SLC37A1: variants seen among roughly 807,000 people sequenced by gnomAD.
The protein encoded by SLC37A1 is solute carrier family 37 member 1.
Under a neutral mutation model 75.3 loss-of-function variants are expected in SLC37A1, and 49 were observed. That is an observed-to-expected ratio of 0.65 (90% CI 0.52 to 0.83). The LOEUF (loss-of-function observed/expected upper bound fraction) is 0.83, where lower values mean the gene tolerates loss of function less well. SLC37A1 is among the 40% of genes least tolerant of loss of function. The probability of loss-of-function intolerance (pLI) is 0.00; values close to 1 mark genes in which losing one functional copy is unlikely to be tolerated. For missense variants in SLC37A1, 566 were observed against 695.0 expected, an observed-to-expected ratio of 0.81 and a Z score of 2.09; for synonymous variants, 268 against 292.1, an observed-to-expected ratio of 0.92 and a Z score of 0.84.
rs1227581688 is a variant in SLC37A1, at chr21:42,514,473, G to A, written c.-423G>A. On this transcript the variant is annotated 5_prime_UTR_variant, in exon 1 of 20. Coordinates refer to ENST00000352133, the MANE Select transcript of SLC37A1 (RefSeq NM_001320537.2). The surrounding 1 kb of genome is among the most constrained non-coding windows in gnomAD (Gnocchi z 4.8). Reference sequence around the variant, plus strand: ...GTGCCCGCGGAATTCACCTCCTCCGGGGACCAGCCGCCCAGGGAGGAGCCG... The same window carrying A: ...GTGCCCGCGGAATTCACCTCCTCCGAGGACCAGCCGCCCAGGGAGGAGCCG... The A allele has an allele frequency of 6.6e-6, 1 of 152,284 alleles. No homozygotes were observed. The highest frequency in any genetic ancestry group is 1.5e-5 in the Non-Finnish European group (1 of 68,086). 9.4% of individuals were successfully genotyped at this position (152,284 alleles called of 1,614,324 possible).
chr21:42,577,481 A>G (rs2056332837), intron 18 of SLC37A1, among the ~76,000 whole-genome samples: 2 of 152,278 alleles, frequency 1.3e-5, no homozygotes, highest in Non-Finnish European at 2.9e-5. Flanking sequence ...GGGCAATATA[A>G]AAAAGAACTG....
At chr21:42,558,025 T>G (rs2055735148) in intron 10 of SLC37A1, among the ~76,000 whole-genome samples, 1 of 152,200 alleles carries the variant, frequency 6.6e-6, no homozygotes, top group African/African-American at 2.4e-5. Context: ...CACTGCAGCC[T>G]CCACCTCCTG....
intron 3 of SLC37A1, among the ~76,000 whole-genome samples, chr21:42,528,396 A>C (rs1047031138): frequency 3.3e-5 from 5 of 152,170 alleles, no homozygotes; most frequent in African/African-American, 9.7e-5. Flanking sequence ...TTTCACCTGG[A>C]CTGGGCCAGA....
At chr21:42,558,211 C>T (rs564323900) in intron 10 of SLC37A1, among the ~76,000 whole-genome samples, 2 of 152,310 alleles carry the variant, frequency 1.3e-5, no homozygotes, top group South Asian at 4.1e-4. Context: ...CTCTTCTTTG[C>T]TTTAATGAAT....
intron 18 of SLC37A1, among the ~76,000 whole-genome samples, chr21:42,578,789 T>G (rs1463290785): frequency 6.6e-6 from 1 of 152,198 alleles, no homozygotes; most frequent in Non-Finnish European, 1.5e-5. Context: ...AAGCTCCTAC[T>G]TGAACCACAA....
intron 1 of SLC37A1, among the ~76,000 whole-genome samples, chr21:42,501,593 T>C (rs1354172037): frequency 6.6e-6 from 1 of 152,128 alleles, no homozygotes; most frequent in Non-Finnish European, 1.5e-5. Context: ...GCGCCTGTAA[T>C]CCCAGCCACT....
At chr21:42,534,120 CT>C (rs1234370554) in intron 3 of SLC37A1, among the ~76,000 whole-genome samples, 9 of 152,298 alleles carry the variant, frequency 5.9e-5, no homozygotes, top group Admixed American at 5.2e-4. Context: ...CATTGTCCCC[CT>C]TTAGGTAACC....
intron 10 of SLC37A1, among the ~76,000 whole-genome samples, chr21:42,558,525 T>C (rs1466921168): frequency 2.0e-5 from 3 of 152,256 alleles, no homozygotes; most frequent in Non-Finnish European, 2.9e-5. Flanking sequence ...TTCTTTGAGG[T>C]TATAATGACA....
At chr21:42,529,759 G>C (rs575005961) in intron 3 of SLC37A1, among the ~76,000 whole-genome samples, 1 of 152,120 alleles carries the variant, frequency 6.6e-6, no homozygotes, top group Admixed American at 6.5e-5. Flanking sequence ...CGAGTCTGCC[G>C]GTATTCCATA....
intron 1 of SLC37A1, among the ~76,000 whole-genome samples, chr21:42,501,213 G>C (rs2054338017): frequency 6.6e-6 from 1 of 152,220 alleles, no homozygotes; most frequent in South Asian, 2.1e-4. Flanking sequence ...AGTAGGAAAA[G>C]AGAAAAATTG....
chr21:42,506,846 G>A (rs2054387864), intron 2 of SLC37A1, among the ~76,000 whole-genome samples: 1 of 152,072 alleles, frequency 6.6e-6, no homozygotes, highest in East Asian at 1.9e-4. Flanking sequence ...ACATGATCTT[G>A]AGTAATATTC....
At chr21:42,551,588 G>A (rs1368960550) in intron 9 of SLC37A1, among the ~76,000 whole-genome samples, 1 of 152,204 alleles carries the variant, frequency 6.6e-6, no homozygotes, top group African/African-American at 2.4e-5. Flanking sequence ...GAATGGTACA[G>A]TATGTGAATT....
intron 17 of SLC37A1, among the ~76,000 whole-genome samples, chr21:42,571,651 G>C: frequency 6.6e-6 from 1 of 151,964 alleles, no homozygotes; most frequent in Admixed American, 6.5e-5. Flanking sequence ...TTACGGAAGA[G>C]GGGACCTGGC....
chr21:42,580,746 C>T lies in SLC37A1; in HGVS notation c.*386C>T, dbSNP rs1281292115. The stretch of plus-strand genomic sequence containing the variant: ...TCCAGCCACAGAACATCAAAGTGAG[C>T]GAGTACTGCGCTGGCTGTGGCTTCA... On this transcript the variant is annotated 3_prime_UTR_variant, in exon 20 of 20. Transcript: ENST00000352133. 2.3e-5 allele frequency: 7 copies of T among 301,480 alleles called. No individual in the cohort carries two copies. The highest frequency in any genetic ancestry group is 9.6e-5 in the Admixed American group (2 of 20,824). 18.7% of individuals were successfully genotyped at this position (301,480 alleles called of 1,614,324 possible). A position where few individuals can be genotyped will look rare whatever the true frequency, so the allele number is the denominator to read the frequency against.
intron 11 of SLC37A1, among the ~76,000 whole-genome samples, chr21:42,559,552 C>T (rs961848349): frequency 3.9e-5 from 6 of 152,230 alleles, no homozygotes; most frequent in Non-Finnish European, 5.9e-5. Flanking sequence ...CCGTGGCCTT[C>T]GCGAGCCCGG....
chr21:42,571,916 C>T (rs1053844046), intron 17 of SLC37A1, among the ~76,000 whole-genome samples: 5 of 152,164 alleles, frequency 3.3e-5, no homozygotes, highest in East Asian at 1.9e-4. Flanking sequence ...CCGCCCACTG[C>T]GCGGCTTGGC....
chr21:42,511,740 T>C (rs752722486), upstream of SLC37A1, among the ~76,000 whole-genome samples: 2 of 152,106 alleles, frequency 1.3e-5, no homozygotes, highest in Non-Finnish European at 2.9e-5. Context: ...GCCTTGACCA[T>C]TGCACTCACG....
chr21:42,571,884 C>T (rs972164371), intron 17 of SLC37A1, among the ~76,000 whole-genome samples: 3 of 152,216 alleles, frequency 2.0e-5, no homozygotes, highest in Non-Finnish European at 2.9e-5. Context: ...TGCCCCACCC[C>T]TTTCACGCCA....
chr21:42,515,729 A>G (rs2054510915), intron 1 of SLC37A1, among the ~76,000 whole-genome samples: 1 of 152,134 alleles, frequency 6.6e-6, no homozygotes, highest in Non-Finnish European at 1.5e-5. Flanking sequence ...TGTAATAAAG[A>G]TGCTCTAATG....
Sources: allele counts gnomAD v4.1 joint callset (sites outside exome capture counted in the v4.1 genomes callset), GRCh38; gene constraint gnomAD v4.1.1; non-coding constraint Gnocchi (gnomAD v3.1); transcripts MANE v1.5; gene names NCBI Gene and HGNC (gene_info 2026-07-23, HGNC 2026-07-21).